Variants in CAST observed in about 807,000 individuals in gnomAD.
CAST encodes the protein calpastatin.
A neutral mutation model predicts 119.6 loss-of-function variants in CAST; 76 were observed. The observed-to-expected ratio is 0.64, with a 90% CI of 0.53 to 0.77. The LOEUF is 0.77. Ranked by LOEUF, CAST falls within the 30% of genes least tolerant of loss-of-function variation. The pLI, the probability that CAST is intolerant of heterozygous loss-of-function variation, is 0.00. For missense variants in CAST, 953 were observed against 946.5 expected, an observed-to-expected ratio of 1.01 and a Z score of -0.09; for synonymous variants, 319 against 331.6, an observed-to-expected ratio of 0.96 and a Z score of 0.41.
chr5:96,592,528 A>G (rs1746980849), intron 1 of CAST, among the ~76,000 whole-genome samples: 1 of 152,150 alleles, frequency 6.6e-6, no homozygotes, highest in South Asian at 2.1e-4. Flanking sequence ...TATTTTAAAG[A>G]GAAAAAAACT....
At chr5:96,295,991 T>C in the CAST span, among the ~76,000 whole-genome samples, 2 of 151,894 alleles carry the variant, frequency 1.3e-5, no homozygotes, top group African/African-American at 4.9e-5. Flanking sequence ...TTCTTTGTAC[T>C]TTACTATATT....
chr5:96,618,566 G>C (rs1032554177), intron 1 of CAST, among the ~76,000 whole-genome samples: 1 of 152,272 alleles, frequency 6.6e-6, no homozygotes, highest in Non-Finnish European at 1.5e-5. Flanking sequence ...GCTAGCGCAA[G>C]TTCCAGGTGG....
At chr5:96,045,183 T>C in the CAST span, among the ~76,000 whole-genome samples, 1 of 152,072 alleles carries the variant, frequency 6.6e-6, no homozygotes. Flanking sequence ...TGAAACCCTG[T>C]CTCTACTAAA....
chr5:96,518,662 C>G, the CAST span, among the ~76,000 whole-genome samples: 19 of 152,222 alleles, frequency 1.2e-4, 1 homozygote, highest in East Asian at 3.7e-3. Context: ...TTGGGGCCAA[C>G]CAACCTTTCA....
intron 1 of CAST, among the ~76,000 whole-genome samples, chr5:96,621,500 T>C (rs1747602325): frequency 1.3e-5 from 2 of 152,182 alleles, no homozygotes; most frequent in African/African-American, 4.8e-5. Flanking sequence ...GAAGCAGGCA[T>C]GTCTCATATC....
chr5:96,401,816 G>T, the CAST span, among the ~76,000 whole-genome samples: 3 of 152,112 alleles, frequency 2.0e-5, no homozygotes, highest in Non-Finnish European at 4.4e-5. Context: ...TCTCTGATGT[G>T]TAGCACCCAG....
In CAST at chr5:96,729,456, C is replaced by T. The variant is rs1050356717; in HGVS notation, c.436-156C>T. 6.0e-5 allele frequency: 37 copies of T among 618,028 alleles called. No individual in the cohort carries two copies. The African/African-American group carries it at 6.3e-4, about 11-fold the overall frequency. The allele number at this position is 618,028 out of a possible 1,614,324, so 38.3% of individuals were successfully genotyped here. On this transcript the variant is annotated intron_variant, in intron 7 of 31. Transcript: ENST00000675179. ...AAGTGAAATTGTCACATGTACATCA[C>T]ACTAATTGAAATTTACATAATTTAG...
At position 96,706,467 on chromosome 5, in the gene CAST, A is replaced by C. The variant is rs189029767; in HGVS notation, c.210+10560A>C. 7.2e-5 allele frequency among the ~76,000 whole-genome samples: 11 copies of C among 152,326 alleles called. 1 individual carries two copies. The East Asian group carries it at 1.9e-3, about 27-fold the overall frequency. On this transcript the variant is annotated intron_variant, in intron 3 of 31. Transcript: ENST00000675179. The stretch of plus-strand genomic sequence containing the variant: ...AAGCGGAGTGAAAGGTTAAAGGAAG[A>C]GGGTTGAGGTTAAGCTTGGGAGCCT...
the CAST span, among the ~76,000 whole-genome samples, chr5:96,058,596 G>A: frequency 1.9e-3 from 264 of 136,888 alleles, 1 homozygote; most frequent in African/African-American, 6.2e-3. Flanking sequence ...ACTGTAGTTG[G>A]CTAGTAATAG....
the CAST span, among the ~76,000 whole-genome samples, chr5:96,187,638 T>TTTGTAA: frequency 1.3e-5 from 2 of 152,164 alleles, no homozygotes; most frequent in Non-Finnish European, 2.9e-5. Flanking sequence ...AACTCTCTCT[T>TTTGTAA]GCTCAATGGT....
the CAST span, among the ~76,000 whole-genome samples, chr5:96,182,229 G>A: frequency 1.3e-5 from 2 of 152,286 alleles, no homozygotes; most frequent in East Asian, 1.9e-4. Flanking sequence ...GAATTCCTGG[G>A]GTGTCTGCTA....
At chr5:96,649,598 G>C (rs1426204796) in intron 1 of CAST, among the ~76,000 whole-genome samples, 1 of 152,156 alleles carries the variant, frequency 6.6e-6, no homozygotes, top group African/African-American at 2.4e-5. Flanking sequence ...CAATCATTCT[G>C]GGGCTAGTGG....
chr5:96,514,482 T>C, the CAST span, among the ~76,000 whole-genome samples: 15 of 152,156 alleles, frequency 9.9e-5, no homozygotes, highest in Non-Finnish European at 1.9e-4. Context: ...CTTTTATATA[T>C]CCAAATATCT....
the CAST span, among the ~76,000 whole-genome samples, chr5:96,431,305 A>G: frequency 1.3e-5 from 2 of 152,104 alleles, no homozygotes; most frequent in Non-Finnish European, 2.9e-5. Context: ...CTCCGATCTC[A>G]TTATGTGCTC....
the CAST span, among the ~76,000 whole-genome samples, chr5:96,256,833 A>G: frequency 6.6e-6 from 1 of 152,122 alleles, no homozygotes; most frequent in Non-Finnish European, 1.5e-5. Flanking sequence ...CTAATGTTGT[A>G]TTCCCTCTGC....
rs759878208 is a variant in CAST, at chr5:96,770,607, A to G, written c.2340+5A>G. ...AAAGCGAAGGATTCAGCAAAGGTAAATGGAGCAGTAAATATACTACAAATT... is the reference window on the plus strand; with the variant it reads ...AAAGCGAAGGATTCAGCAAAGGTAAGTGGAGCAGTAAATATACTACAAATT... On this transcript the variant is annotated splice_donor_5th_base_variant and intron_variant, in intron 30 of 31. Transcript: ENST00000675179. 6.3e-7 allele frequency: 1 copy of G among 1,596,154 alleles called. No homozygotes were observed. Among genetic ancestry groups the G allele is most frequent in the Admixed American group, 1.7e-5 (1 of 59,950 alleles).
At chr5:96,234,918 T>C in the CAST span, among the ~76,000 whole-genome samples, 1 of 152,320 alleles carries the variant, frequency 6.6e-6, no homozygotes, top group South Asian at 2.1e-4. Flanking sequence ...TGAGTTTTGA[T>C]ATGTGTGTAC....
intron 16 of CAST, 95 bp downstream of exon 16, chr5:96,742,851 T>C (rs781331671): frequency 4.6e-6 from 4 of 863,758 alleles, no homozygotes; most frequent in Admixed American, 4.2e-5. Context: ...ACAACTTTTA[T>C]TGGAGAGTAA....
the CAST span, among the ~76,000 whole-genome samples, chr5:96,460,609 T>C: frequency 6.6e-6 from 1 of 151,298 alleles, no homozygotes; most frequent in Non-Finnish European, 1.5e-5. Context: ...CAGGTTAGAA[T>C]TAAAAGTGAC....
Sources: gnomAD v4.1 joint callset for allele counts (sites outside exome capture counted in the v4.1 genomes callset) on GRCh38, gnomAD v4.1.1 for gene constraint, MANE v1.5 for transcripts, NCBI Gene and HGNC (gene_info 2026-07-23, HGNC 2026-07-21) for gene names.